Variants in LPP observed in about 807,000 individuals in gnomAD.
The protein encoded by LPP is LIM domain containing preferred translocation partner in lipoma, also known as lipoma-preferred partner.
Under a neutral mutation model 60.4 loss-of-function variants are expected in LPP, and 38 were observed. That is an observed-to-expected ratio of 0.63 (90% CI 0.49 to 0.83). The LOEUF (loss-of-function observed/expected upper bound fraction) is 0.83, where lower values mean the gene tolerates loss of function less well. Among genes scored for constraint, LPP ranks in the 40% least tolerant of loss-of-function variants. LPP has a pLI of 0.00. For missense variants in LPP, 902 were observed against 783.6 expected (o/e 1.15, Z -1.80); for synonymous variants, 328 against 290.8 (o/e 1.13, Z -1.30).
intron 8 of LPP, among the ~76,000 whole-genome samples, chr3:188,722,919 T>G (rs1423328207): frequency 6.6e-6 from 1 of 152,218 alleles, no homozygotes. Flanking sequence ...TTCCTCTAAA[T>G]TGTTAACGTC....
chr3:188,240,567 A>T (rs542936883), intron 2 of LPP, among the ~76,000 whole-genome samples: 1 of 152,306 alleles, frequency 6.6e-6, no homozygotes, highest in Non-Finnish European at 1.5e-5. Context: ...AGCTTTATTC[A>T]AACTCATTCC....
At chr3:188,536,534 C>G (rs1030028369) in intron 6 of LPP, among the ~76,000 whole-genome samples, 1 of 152,196 alleles carries the variant, frequency 6.6e-6, no homozygotes, top group Admixed American at 6.5e-5. Flanking sequence ...TGTGTCCATA[C>G]ACATATATTT....
intron 8 of LPP, chr3:188,708,766 G>A (rs1865996626): frequency 1.3e-5 from 4 of 299,252 alleles, no homozygotes; most frequent in Admixed American, 9.1e-5. Context: ...GCTGAGGCTG[G>A]AGAATCACCT....
intron 3 of LPP, among the ~76,000 whole-genome samples, chr3:188,370,425 T>A (rs1354121032): frequency 1.3e-5 from 2 of 152,066 alleles, no homozygotes; most frequent in East Asian, 3.9e-4. Context: ...ATCCCAGGTG[T>A]GTTATGTTGT....
At position 188,467,658 on chromosome 3, in the gene LPP, G is replaced by C. The variant is rs116806857; in HGVS notation, c.194-16934G>C. On this transcript the variant is annotated intron_variant, in intron 4 of 11. Coordinates refer to ENST00000617246, the MANE Select transcript of LPP (RefSeq NM_001375462.1). ...GCCCAACGCTATTACAAGTGTGATA[G>C]CAAATGGAAGAAGAGGACAGAGGAG... Among the ~76,000 whole-genome samples the C allele has an allele frequency of 1.0e-2, 1,522 of 152,220 alleles. 6 individuals are homozygous for C. The highest frequency in any genetic ancestry group is 0.016 in the Non-Finnish European group (1,076 of 67,990).
At chr3:188,751,660 A>G (rs551265999) in intron 8 of LPP, among the ~76,000 whole-genome samples, 11 of 152,270 alleles carry the variant, frequency 7.2e-5, no homozygotes, top group Admixed American at 3.3e-4. Context: ...CTAAGCCCCA[A>G]TTCCAGCTTC....
At chr3:188,223,188 T>C (rs936886009) in intron 1 of LPP, among the ~76,000 whole-genome samples, 5 of 152,224 alleles carry the variant, frequency 3.3e-5, no homozygotes, top group Non-Finnish European at 7.3e-5. Flanking sequence ...GTCAAAACCA[T>C]CAATTTCTGG....
chr3:188,450,327 C>G (rs1796287768), intron 4 of LPP, among the ~76,000 whole-genome samples: 1 of 152,028 alleles, frequency 6.6e-6, no homozygotes, highest in Admixed American at 6.6e-5. Flanking sequence ...ATTGTCAGGA[C>G]CTTTGCAGTA....
chr3:188,289,798 A>G (rs1006887990), intron 2 of LPP, among the ~76,000 whole-genome samples: 2 of 152,168 alleles, frequency 1.3e-5, no homozygotes, highest in African/African-American at 4.8e-5. Flanking sequence ...AAACCCTACT[A>G]TGCTTCTTAG....
chr3:188,808,044 G>A (rs971099863), intron 9 of LPP, among the ~76,000 whole-genome samples: 2 of 152,020 alleles, frequency 1.3e-5, no homozygotes, highest in African/African-American at 4.8e-5. Flanking sequence ...TGTCAATCTT[G>A]TCAGAAGTTG....
intron 7 of LPP, among the ~76,000 whole-genome samples, chr3:188,690,734 T>C (rs1445778486): frequency 6.6e-6 from 1 of 152,186 alleles, no homozygotes. Flanking sequence ...AGTTTGGTAG[T>C]TAAGAACACA....
At chr3:188,614,309 G>A (rs750509031) in intron 7 of LPP, among the ~76,000 whole-genome samples, 14 of 152,114 alleles carry the variant, frequency 9.2e-5, no homozygotes, top group Non-Finnish European at 1.3e-4. Flanking sequence ...AGAGTTATCC[G>A]TATGGTAATC....
intron 3 of LPP, among the ~76,000 whole-genome samples, chr3:188,392,832 G>A (rs1470226857): frequency 6.6e-6 from 1 of 152,020 alleles, no homozygotes; most frequent in Non-Finnish European, 1.5e-5. Flanking sequence ...CCAGACACAA[G>A]GCAACTGCAC....
At chr3:188,405,365 A>G (rs1032814402) in intron 3 of LPP, among the ~76,000 whole-genome samples, 1 of 152,166 alleles carries the variant, frequency 6.6e-6, no homozygotes, top group African/African-American at 2.4e-5. Flanking sequence ...TTTAAACTCA[A>G]CTGTGGCTGC....
intron 4 of LPP, among the ~76,000 whole-genome samples, chr3:188,417,489 T>C (rs1786618958): frequency 3.3e-5 from 5 of 152,060 alleles, no homozygotes; most frequent in Admixed American, 3.3e-4. Flanking sequence ...CCTTGTAATT[T>C]TGGCAGCTCT....
chr3:188,485,807 A>AAAAAAAAAAAAAAAAAAAATG (rs1806303222), intron 5 of LPP, among the ~76,000 whole-genome samples: 1 of 146,078 alleles, frequency 6.8e-6, no homozygotes, highest in Non-Finnish European at 1.5e-5. Flanking sequence ...AAAAAAAAAA[A>AAAAAAAAAAAAAAAAAAAATG]AAAAAAATGG....
At chr3:188,739,229 A>C (rs1370062300) in intron 8 of LPP, among the ~76,000 whole-genome samples, 1 of 152,138 alleles carries the variant, frequency 6.6e-6, no homozygotes, top group Non-Finnish European at 1.5e-5. Context: ...TTAAACGGGC[A>C]ATCCACAGAA....
chr3:188,639,154 G>A (rs953972387), intron 7 of LPP, among the ~76,000 whole-genome samples: 2 of 152,132 alleles, frequency 1.3e-5, no homozygotes, highest in Admixed American at 6.6e-5. Context: ...CATGGTACTG[G>A]TACCAAAACA....
chr3:188,627,157 A>G (rs1464069361), intron 7 of LPP, among the ~76,000 whole-genome samples: 2 of 152,172 alleles, frequency 1.3e-5, no homozygotes, highest in Non-Finnish European at 2.9e-5. Flanking sequence ...GGGAATGATA[A>G]GCATGAAAGA....
Sources: allele counts gnomAD v4.1 joint callset (sites outside exome capture counted in the v4.1 genomes callset), GRCh38; gene constraint gnomAD v4.1.1; transcripts MANE v1.5; gene names NCBI Gene and HGNC (gene_info 2026-07-23, HGNC 2026-07-21).